The following NKAPD1 variants were observed in gnomAD, a reference collection of about 807,000 sequenced individuals.
The protein encoded by NKAPD1 is NKAP domain containing 1, also known as uncharacterized protein NKAPD1.
In NKAPD1, 12 loss-of-function variants were observed where a neutral mutation model predicts 30.9. The ratio of observed to expected loss-of-function variants is 0.39; its 90% CI spans 0.25 to 0.63. The LOEUF is 0.63. Among genes scored for constraint, NKAPD1 ranks in the 20% least tolerant of loss-of-function variants. NKAPD1 has a pLI of 0.51. For missense variants in NKAPD1, 311 were observed against 344.5 expected, an observed-to-expected ratio of 0.90 and a Z score of 0.77; for synonymous variants, 91 against 113.6, an observed-to-expected ratio of 0.80 and a Z score of 1.26.
chr11:112,075,766 G>T, intron 2 of NKAPD1, 123 bp downstream of exon 2: 11 of 870,708 alleles, frequency 1.3e-5, no homozygotes, highest in Non-Finnish European at 1.6e-5. Flanking sequence ...GGAAGCTTCC[G>T]TACACAGTAG....
rs1325615808 is a variant in NKAPD1 at position 112,082,377 on chromosome 11, C to G, written c.375-88C>G. 3.4e-6 allele frequency: 4 copies of G among 1,176,490 alleles called. No individual in the cohort carries two copies. The African/African-American group carries it at 6.4e-5, about 19-fold the overall frequency. 72.9% of individuals were successfully genotyped at this position (1,176,490 alleles called of 1,614,324 possible). The stretch of plus-strand genomic sequence containing the variant: ...GCTTATTTAAAATTCAGATGTTAAC[C>G]TCAATTTTTTAATCTAGAATGCAAA... On this transcript the variant is annotated intron_variant, in intron 5 of 5. Coordinates refer to ENST00000393047, the MANE Select transcript of NKAPD1 (RefSeq NM_018195.4).
intron 4 of NKAPD1, chr11:112,080,831 GT>G (rs1340481444): frequency 5.2e-6 from 2 of 386,024 alleles, no homozygotes; most frequent in Non-Finnish European, 9.4e-6. Context: ...ATCATGCTAA[GT>G]GAGAAGGAAG....
rs576588249 is a variant in NKAPD1 at position 112,074,420 on chromosome 11, C to T, written c.-505C>T. On this transcript the variant is annotated 5_prime_UTR_variant, in exon 1 of 6. Transcript: ENST00000393047. ...CGTTTGGAGGGAAGGTTACCGGGAG[C>T]TCCGAGGCCGCTGGGGAACAGGGAT... The T allele has an allele frequency of 5.5e-5, 22 of 399,220 alleles. No individual in the cohort carries two copies. The highest frequency in any genetic ancestry group is 6.3e-4 in the Middle Eastern group (1 of 1,588). 24.7% of individuals were successfully genotyped at this position (399,220 alleles called of 1,614,324 possible).
chr11:112,079,811 T>A lies in NKAPD1; in HGVS notation c.171-598T>A, dbSNP rs1051481330. Among the ~76,000 whole-genome samples the A allele has an allele frequency of 3.9e-5, 6 of 152,064 alleles. No homozygotes were observed. The Middle Eastern group carries it at 0.014, about 345-fold the overall frequency. ...ACTAATGGTCAGATTTTTTTCTTTTTTTCTTTTTTTTTTTTCCTGAGACGG... is the reference window on the plus strand; with the variant it reads ...ACTAATGGTCAGATTTTTTTCTTTTATTCTTTTTTTTTTTTCCTGAGACGG... On this transcript the variant is annotated intron_variant, in intron 3 of 5. Coordinates refer to ENST00000393047, the MANE Select transcript of NKAPD1 (RefSeq NM_018195.4).
chr11:112,075,055 A>T (rs1865285727), intron 1 of NKAPD1, 139 bp downstream of exon 1: 2 of 154,624 alleles, frequency 1.3e-5, no homozygotes, highest in African/African-American at 4.8e-5. Flanking sequence ...ACATCTTTGC[A>T]TTTGATGTTT....
intron 2 of NKAPD1, among the ~76,000 whole-genome samples, chr11:112,077,198 C>T (rs1427673074): frequency 6.6e-6 from 1 of 152,150 alleles, no homozygotes; most frequent in Non-Finnish European, 1.5e-5. Context: ...AACTGTTACC[C>T]GAGCTGCCTA....
In NKAPD1 at chr11:112,078,231, A is replaced by G. The variant is rs148686086; in HGVS notation, c.86A>G (p.Asp29Gly). Residue 29 changes from aspartate to glycine, a missense_variant, in exon 3 of 6, where the codon GAT (aspartate) becomes GGT (glycine). Transcript: ENST00000393047. The stretch of plus-strand genomic sequence containing the variant: ...AAATTCTAGATTCAGGAGGAATCAG[A>G]TATGTGGAAAATAAGAGAACTGGAA... The part of the protein sequence containing the change: ...DAHNKIQEES[D>G]MWKIRELEKQ... 10 of 1,610,238 alleles carry G rather than the reference A, an allele frequency of 6.2e-6. No homozygotes were observed. Among genetic ancestry groups the G allele is most frequent in the East Asian group, 2.2e-5 (1 of 44,784 alleles).
intron 4 of NKAPD1, 45 bp from the exon 5 acceptor site, chr11:112,081,937 A>G (rs775463287): frequency 1.3e-6 from 2 of 1,535,578 alleles, no homozygotes; most frequent in African/African-American, 2.7e-5. Flanking sequence ...ATTTCCAAAA[A>G]TGTATGCATT....
rs71301698 is a variant in NKAPD1 at position 112,084,799 on chromosome 11, CTTTTTTTT to C, written c.*1837_*1844del. ...CTTTCGCAAGGAATACACATCTTGC[CTTTTTTTT>C]TTTTTTTTTGCCATGTTTTCCTTTT... On this transcript the variant is annotated 3_prime_UTR_variant, in exon 6 of 6. Coordinates refer to ENST00000393047, the MANE Select transcript of NKAPD1 (RefSeq NM_018195.4). 2 of 101,226 alleles carry C rather than the reference CTTTTTTTT, an allele frequency of 2.0e-5. No homozygotes were observed. Among genetic ancestry groups the C allele is most frequent in the Admixed American group, 1.0e-4 (1 of 9,554 alleles). 6.3% of individuals were successfully genotyped at this position (101,226 alleles called of 1,614,324 possible). A position where few individuals can be genotyped will look rare whatever the true frequency, so the allele number is the denominator to read the frequency against.
At chr11:112,080,362 T>G (rs1388065704) in intron 3 of NKAPD1, 47 bp from the exon 4 acceptor site, 1 of 1,589,160 alleles carries the variant, frequency 6.3e-7, no homozygotes, top group South Asian at 1.1e-5. Flanking sequence ...TAAAGTAAAC[T>G]CACAGATTGC....
At position 112,083,622 on chromosome 11, in the gene NKAPD1, T is replaced by C. The variant is rs559247624; in HGVS notation, c.*650T>C. On this transcript the variant is annotated 3_prime_UTR_variant, in exon 6 of 6. Transcript: ENST00000393047. ...CCTATAGCTATACTTAGTATATGCC[T>C]AAACATGGTAATTGGATAGTAAATG... The C allele has an allele frequency of 6.5e-6, 1 of 152,776 alleles. No homozygotes were observed. The highest frequency in any genetic ancestry group is 1.9e-4 in the East Asian group (1 of 5,184). The allele number at this position is 152,776 out of a possible 1,614,324, so 9.5% of individuals were successfully genotyped here.
chr11:112,080,365 C>T (rs376878376), intron 3 of NKAPD1, 44 bp from the exon 4 acceptor site: 6 of 1,593,806 alleles, frequency 3.8e-6, no homozygotes, highest in Non-Finnish European at 5.1e-6. Flanking sequence ...AGTAAACTCA[C>T]AGATTGCTTT....
chr11:112,081,144 G>T (rs1865441601), intron 4 of NKAPD1: 1 of 151,936 alleles, frequency 6.6e-6, no homozygotes, highest in South Asian at 2.1e-4. Flanking sequence ...AGCCAACATG[G>T]TGAAACCCCA....
intron 4 of NKAPD1, 32 bp from the exon 5 acceptor site, chr11:112,081,950 T>C: frequency 1.3e-6 from 2 of 1,594,032 alleles, no homozygotes; most frequent in East Asian, 4.5e-5. Context: ...TATGCATTGC[T>C]TTAACAATAC....
intron 3 of NKAPD1, among the ~76,000 whole-genome samples, chr11:112,078,803 C>T (rs115127215): frequency 6.6e-6 from 1 of 152,206 alleles, no homozygotes; most frequent in Non-Finnish European, 1.5e-5. Context: ...CCTCCCACCT[C>T]AACCTCCCAG....
chr11:112,080,346 G>A, intron 3 of NKAPD1, 63 bp from the exon 4 acceptor site: 1 of 1,495,906 alleles, frequency 6.7e-7, no homozygotes, highest in Non-Finnish European at 9.1e-7. Flanking sequence ...TGTGCATGAT[G>A]TTCCATAAAG....
intron 3 of NKAPD1, 34 bp from the exon 4 acceptor site, chr11:112,080,375 T>C: frequency 6.2e-7 from 1 of 1,610,070 alleles, no homozygotes. Flanking sequence ...CAGATTGCTT[T>C]TACATCTAAA....
In NKAPD1 at chr11:112,082,857, A is replaced by G; in HGVS notation, c.767A>G (p.Glu256Gly). The G allele has an allele frequency of 2.5e-6, 4 of 1,613,988 alleles. No individual in the cohort carries two copies. Among genetic ancestry groups the G allele is most frequent in the Non-Finnish European group, 3.4e-6 (4 of 1,180,000 alleles). Residue 256 changes from glutamate (E) to glycine (G), a missense_variant, in exon 6 of 6, where the codon GAG becomes GGG. By Grantham distance (98) the Glu-to-Gly change is moderately conservative (BLOSUM62 -2). Coordinates refer to ENST00000393047, the MANE Select transcript of NKAPD1 (RefSeq NM_018195.4). ...DTKKTKRKKREKKAHTSVANN... is the reference protein window; with the variant it reads ...DTKKTKRKKRGKKAHTSVANN... Reference sequence around the variant, plus strand: ...AAGAAAACCAAAAGGAAAAAGAGAGAGAAAAAAGCCCATACCTCTGTAGCC... The same window carrying G: ...AAGAAAACCAAAAGGAAAAAGAGAGGGAAAAAAGCCCATACCTCTGTAGCC...
At position 112,083,107 on chromosome 11, in the gene NKAPD1, C is replaced by T. The variant is rs773635177; in HGVS notation, c.*135C>T. Reference sequence around the variant, plus strand: ...TGTGCCATCTGTATGTTCTGACAGACGTCTTGTCTTCTATTTTGGCGTTAA... The same window carrying T: ...TGTGCCATCTGTATGTTCTGACAGATGTCTTGTCTTCTATTTTGGCGTTAA... On this transcript the variant is annotated 3_prime_UTR_variant, in exon 6 of 6. Transcript: ENST00000393047. The T allele has an allele frequency of 3.0e-4, 249 of 839,450 alleles. No homozygotes were observed. The highest frequency in any genetic ancestry group is 2.7e-4 in the Non-Finnish European group (157 of 584,662). The allele number at this position is 839,450 out of a possible 1,614,324, so 52.0% of individuals were successfully genotyped here.
Sources: allele counts gnomAD v4.1 joint callset (sites outside exome capture counted in the v4.1 genomes callset), GRCh38; gene constraint gnomAD v4.1.1; transcripts MANE v1.5; gene names NCBI Gene and HGNC (gene_info 2026-07-23, HGNC 2026-07-21).